EYS: variants seen among roughly 807,000 people sequenced by gnomAD.
EYS encodes the protein protein eyes shut homolog.
In EYS, 250 loss-of-function variants were observed where a neutral mutation model predicts 282.1. That is an observed-to-expected ratio of 0.89 (90% CI 0.80 to 0.98). The LOEUF (loss-of-function observed/expected upper bound fraction) is 0.98, where lower values mean the gene tolerates loss of function less well. EYS is among the 50% of genes least tolerant of loss of function. The pLI is 0.00. For missense variants in EYS, 4,016 were observed against 3,709.0 expected, an observed-to-expected ratio of 1.08 and a Z score of -2.15; for synonymous variants, 1,355 against 1,282.9, an observed-to-expected ratio of 1.06 and a Z score of -1.20.
chr6:65,242,529 T>C (rs1226084686), intron 12 of EYS, among the ~76,000 whole-genome samples: 3 of 152,262 alleles, frequency 2.0e-5, no homozygotes, highest in Non-Finnish European at 2.9e-5. Flanking sequence ...CCTCAGTTGA[T>C]AGACATTTGG....
intron 2 of EYS, among the ~76,000 whole-genome samples, chr6:65,608,944 T>G (rs1195334920): frequency 6.6e-6 from 1 of 152,028 alleles, no homozygotes; most frequent in Non-Finnish European, 1.5e-5. Flanking sequence ...TAATAATGCC[T>G]TCTTCTGGAA....
Position 63,887,556 on chromosome 6 carries a change from C to T in EYS, c.7056-23198G>A, listed in dbSNP as rs181683557. On this transcript the variant is annotated intron_variant, in intron 35 of 42. Transcript: ENST00000503581. Reference sequence around the variant, plus strand: ...CCCTCATCCAGGAAGCACAAGGGGTCGGGGAACTCCATCCCCTAGCCAAGG... The same window carrying T: ...CCCTCATCCAGGAAGCACAAGGGGTTGGGGAACTCCATCCCCTAGCCAAGG... Among the ~76,000 whole-genome samples, 1,165 of 152,128 alleles carry T rather than the reference C, an allele frequency of 7.7e-3. 22 individuals carry two copies. Among genetic ancestry groups the T allele is most frequent in the African/African-American group, 0.026 (1,090 of 41,518 alleles).
intron 41 of EYS, among the ~76,000 whole-genome samples, chr6:63,754,939 A>C (rs1457472841): frequency 6.6e-6 from 1 of 152,176 alleles, no homozygotes; most frequent in Admixed American, 6.5e-5. Flanking sequence ...TCTGATGATC[A>C]GTGATGATGA....
intron 11 of EYS, chr6:65,332,456 C>T (rs2150311871): frequency 7.3e-7 from 1 of 1,378,724 alleles, no homozygotes; most frequent in Non-Finnish European, 1.0e-6. Flanking sequence ...TTTTAGCTAA[C>T]TTAAGGCCTA....
chr6:65,684,324 T>G (rs1372430944), intron 1 of EYS, among the ~76,000 whole-genome samples: 1 of 151,992 alleles, frequency 6.6e-6, no homozygotes, highest in Non-Finnish European at 1.5e-5. Context: ...TAATGGATTA[T>G]TTGAAGGGAA....
At position 64,634,486 on chromosome 6, in the gene EYS, C is replaced by A. The variant is rs549249168; in HGVS notation, c.3444-8241G>T. ...TAGCTCATAGGCTAATACGGGCAAA[C>A]TTCTGGGCTGATTTATGAGTGGCTA... On this transcript the variant is annotated intron_variant, in intron 22 of 42. Transcript: ENST00000503581. Among the ~76,000 whole-genome samples, 7 of 150,676 alleles carry A rather than the reference C, an allele frequency of 4.6e-5. No individual in the cohort carries two copies. The South Asian group carries it at 1.5e-3, about 31-fold the overall frequency.
intron 1 of EYS, among the ~76,000 whole-genome samples, chr6:65,642,422 CG>C (rs975040725): frequency 6.6e-6 from 1 of 151,966 alleles, no homozygotes; most frequent in Non-Finnish European, 1.5e-5. Flanking sequence ...TTTCAGTCAA[CG>C]GGGGCATTAC....
chr6:64,724,795 T>G (rs2149946551), intron 22 of EYS, among the ~76,000 whole-genome samples: 1 of 152,266 alleles, frequency 6.6e-6, no homozygotes, highest in East Asian at 1.9e-4. Context: ...ACTTCAAAAT[T>G]AAAACAAATA....
At chr6:65,158,955 AC>A (rs1206942943) in intron 12 of EYS, among the ~76,000 whole-genome samples, 1 of 150,686 alleles carries the variant, frequency 6.6e-6, no homozygotes, top group African/African-American at 2.4e-5. Flanking sequence ...CAACCAACAA[AC>A]TTTTAGCATT....
intron 8 of EYS, among the ~76,000 whole-genome samples, chr6:65,357,255 G>A (rs554733195): frequency 4.8e-4 from 73 of 152,060 alleles, no homozygotes; most frequent in African/African-American, 1.7e-3. Context: ...CATTCATAAT[G>A]TTTATCTTCT....
At chr6:65,503,840 G>C (rs372629323) in intron 2 of EYS, among the ~76,000 whole-genome samples, 1 of 151,602 alleles carries the variant, frequency 6.6e-6, no homozygotes, top group African/African-American at 2.4e-5. Context: ...GTCAATACCA[G>C]GCTACCTTGA....
intron 31 of EYS, among the ~76,000 whole-genome samples, chr6:64,218,561 C>T (rs928904021): frequency 1.3e-5 from 2 of 152,174 alleles, no homozygotes; most frequent in African/African-American, 4.8e-5. Flanking sequence ...ACTTGTCCCC[C>T]TCACTTAAAA....
chr6:65,544,625 C>T (rs1324757579), intron 2 of EYS, among the ~76,000 whole-genome samples: 1 of 152,118 alleles, frequency 6.6e-6, no homozygotes, highest in Non-Finnish European at 1.5e-5. Context: ...AGAACTGTGA[C>T]ACAATTAAAC....
At chr6:64,738,663 T>A (rs1772266422) in intron 22 of EYS, among the ~76,000 whole-genome samples, 1 of 152,258 alleles carries the variant, frequency 6.6e-6, no homozygotes, top group African/African-American at 2.4e-5. Context: ...TTGAAAATTT[T>A]AATTTTTCTT....
intron 37 of EYS, among the ~76,000 whole-genome samples, chr6:63,804,935 A>G (rs555511701): frequency 1.4e-4 from 21 of 152,324 alleles, no homozygotes; most frequent in African/African-American, 4.8e-4. Context: ...TAGAATGAAT[A>G]GTACTTTACA....
intron 13 of EYS, among the ~76,000 whole-genome samples, chr6:65,038,781 T>C (rs973814496): frequency 1.3e-5 from 2 of 151,582 alleles, no homozygotes; most frequent in African/African-American, 4.8e-5. Flanking sequence ...GGAGGAGTAT[T>C]CACTTTTGGT....
chr6:65,386,539 A>T (rs1765811049), intron 7 of EYS, among the ~76,000 whole-genome samples: 1 of 151,952 alleles, frequency 6.6e-6, no homozygotes, highest in African/African-American at 2.4e-5. Flanking sequence ...TCATCCTATC[A>T]ACTCAGCCTG....
At chr6:64,027,048 C>T (rs1175712680) in intron 33 of EYS, among the ~76,000 whole-genome samples, 4 of 152,136 alleles carry the variant, frequency 2.6e-5, no homozygotes, top group Non-Finnish European at 4.4e-5. Flanking sequence ...TAGCTGCAGC[C>T]TGAGAGTTTG....
At chr6:64,006,095 T>A (rs1768334409) in intron 33 of EYS, among the ~76,000 whole-genome samples, 1 of 152,180 alleles carries the variant, frequency 6.6e-6, no homozygotes, top group Admixed American at 6.5e-5. Context: ...TTCTTCTTAA[T>A]CATGAGCATT....
Sources: gnomAD v4.1 joint callset for allele counts (sites outside exome capture counted in the v4.1 genomes callset) on GRCh38, gnomAD v4.1.1 for gene constraint, MANE v1.5 for transcripts, NCBI Gene and HGNC (gene_info 2026-07-23, HGNC 2026-07-21) for gene names.